B3GALT1: variants seen among roughly 807,000 people sequenced by gnomAD.
B3GALT1 encodes UDP-Gal:betaGlcNAc beta 1,3-galactosyltransferase, polypeptide 1.
In B3GALT1, 10 loss-of-function variants were observed where a neutral mutation model predicts 23.2. The ratio of observed to expected loss-of-function variants is 0.43; its 90% CI spans 0.27 to 0.73. B3GALT1 has a LOEUF of 0.73. Among genes scored for constraint, B3GALT1 ranks in the 30% least tolerant of loss-of-function variants. The pLI is 0.21. For synonymous variants in B3GALT1, 156 were observed against 141.5 expected, an observed-to-expected ratio of 1.10 and a Z score of -0.73; for missense variants, 299 against 405.4, an observed-to-expected ratio of 0.74 and a Z score of 2.25.
intron 3 of B3GALT1, among the ~76,000 whole-genome samples, chr2:167,700,382 A>G (rs1257380327): frequency 1.3e-5 from 2 of 152,184 alleles, no homozygotes; most frequent in Admixed American, 1.3e-4. Flanking sequence ...TTTTATTACC[A>G]CTATAGAAAT....
At chr2:167,555,746 G>C (rs1223555035) in intron 2 of B3GALT1, among the ~76,000 whole-genome samples, 1 of 152,156 alleles carries the variant, frequency 6.6e-6, no homozygotes. Context: ...AGAAAATACA[G>C]TGTGGTACCA....
chr2:167,311,474 CTT>C (rs1409658823), intron 1 of B3GALT1, among the ~76,000 whole-genome samples: 2 of 151,770 alleles, frequency 1.3e-5, no homozygotes, highest in African/African-American at 4.8e-5. Flanking sequence ...TCTTGCATCT[CTT>C]TTGTAATTTT....
Position 167,708,389 on chromosome 2 carries a change from G to A in B3GALT1, c.-352+61423G>A, listed in dbSNP as rs201038208. ...AAGAAAATGGAGTCAGGCCAGGTGC[G>A]GTAGCTCACGCCTGTAATCCCAGCA... On this transcript the variant is annotated intron_variant, in intron 3 of 4. Coordinates refer to ENST00000392690, the MANE Select transcript of B3GALT1 (RefSeq NM_020981.4). Among the ~76,000 whole-genome samples, 10 of 152,290 alleles carry A rather than the reference G, an allele frequency of 6.6e-5. No homozygotes were observed. The East Asian group carries it at 1.7e-3, about 26-fold the overall frequency.
intron 1 of B3GALT1, among the ~76,000 whole-genome samples, chr2:167,350,967 G>A (rs1470016664): frequency 1.3e-5 from 2 of 152,070 alleles, no homozygotes; most frequent in African/African-American, 4.8e-5. Flanking sequence ...CTGACCACCT[G>A]GTGAAACAAT....
At chr2:167,443,580 C>T (rs1301988808) in intron 1 of B3GALT1, among the ~76,000 whole-genome samples, 1 of 152,138 alleles carries the variant, frequency 6.6e-6, no homozygotes, top group Non-Finnish European at 1.5e-5. Context: ...TTGAAGAGAT[C>T]CTTCACATCC....
At chr2:167,603,147 G>A (rs910828696) in intron 2 of B3GALT1, among the ~76,000 whole-genome samples, 7 of 152,142 alleles carry the variant, frequency 4.6e-5, no homozygotes, top group Non-Finnish European at 1.0e-4. Flanking sequence ...TTACAAACAT[G>A]TTTCCTATTA....
intron 3 of B3GALT1, among the ~76,000 whole-genome samples, chr2:167,808,076 T>C (rs1210736704): frequency 6.6e-6 from 1 of 152,046 alleles, no homozygotes; most frequent in East Asian, 1.9e-4. Flanking sequence ...TTGTCTCTTT[T>C]GATCTTTGTT....
intron 3 of B3GALT1, among the ~76,000 whole-genome samples, chr2:167,745,526 C>G (rs1242378835): frequency 6.6e-6 from 1 of 152,020 alleles, no homozygotes; most frequent in African/African-American, 2.4e-5. Flanking sequence ...AATGTAAATG[C>G]CTCTATTTTA....
intron 2 of B3GALT1, among the ~76,000 whole-genome samples, chr2:167,501,186 A>G (rs1175849380): frequency 6.6e-6 from 1 of 152,154 alleles, no homozygotes; most frequent in Non-Finnish European, 1.5e-5. Context: ...TTGAATTCAC[A>G]AATCCAGAAA....
At chr2:167,681,258 A>ATT (rs943054827) in intron 3 of B3GALT1, among the ~76,000 whole-genome samples, 4 of 152,040 alleles carry the variant, frequency 2.6e-5, no homozygotes, top group African/African-American at 9.7e-5. Flanking sequence ...ATATATATAT[A>ATT]TTTTTTTAAT....
chr2:167,442,117 A>G (rs1161894001), intron 1 of B3GALT1, among the ~76,000 whole-genome samples: 3 of 149,390 alleles, frequency 2.0e-5, no homozygotes, highest in Non-Finnish European at 4.4e-5. Flanking sequence ...CCTATGAGTG[A>G]GAATATGCAC....
intron 2 of B3GALT1, among the ~76,000 whole-genome samples, chr2:167,507,814 A>T (rs1448778317): frequency 6.6e-6 from 1 of 152,222 alleles, no homozygotes; most frequent in East Asian, 1.9e-4. Context: ...AAGACAAATC[A>T]TAATTGTCTT....
At chr2:167,497,639 G>A (rs1306186859) in intron 2 of B3GALT1, among the ~76,000 whole-genome samples, 1 of 152,036 alleles carries the variant, frequency 6.6e-6, no homozygotes, top group Non-Finnish European at 1.5e-5. Flanking sequence ...AGGGAGATTG[G>A]AGAAGTCAGC....
At chr2:167,506,636 AAGACTT>A in intron 2 of B3GALT1, among the ~76,000 whole-genome samples, 1 of 152,362 alleles carries the variant, frequency 6.6e-6, no homozygotes, top group African/African-American at 2.4e-5. Flanking sequence ...GGAGGTGAAT[AAGACTT>A]AGAATTTACA....
intron 2 of B3GALT1, among the ~76,000 whole-genome samples, chr2:167,512,594 G>GTA (rs60242658): frequency 2.3e-4 from 13 of 57,322 alleles, no homozygotes; most frequent in Non-Finnish European, 3.6e-4. Context: ...ATATATATGT[G>GTA]TATATATATA....
intron 1 of B3GALT1, among the ~76,000 whole-genome samples, chr2:167,456,596 T>C (rs1050897866): frequency 6.6e-6 from 1 of 152,234 alleles, no homozygotes; most frequent in African/African-American, 2.4e-5. Flanking sequence ...CATACTTCTG[T>C]CAGTCCTGGC....
chr2:167,512,578 A>ATATATATG (rs1553463246), intron 2 of B3GALT1, among the ~76,000 whole-genome samples: 10 of 92,346 alleles, frequency 1.1e-4, no homozygotes, highest in African/African-American at 4.7e-4. Flanking sequence ...GTATATATAT[A>ATATATATG]TGTATATATA....
At chr2:167,863,339 A>G (rs1344213906) in intron 4 of B3GALT1, among the ~76,000 whole-genome samples, 2 of 152,218 alleles carry the variant, frequency 1.3e-5, no homozygotes, top group Non-Finnish European at 1.5e-5. Context: ...ATCTAAAACC[A>G]TAAACTGATG....
intron 2 of B3GALT1, among the ~76,000 whole-genome samples, chr2:167,546,625 G>A (rs1200324403): frequency 6.6e-6 from 1 of 152,020 alleles, no homozygotes; most frequent in Admixed American, 6.6e-5. Flanking sequence ...TACACAAAGG[G>A]AATTGAACAG....
Sources: allele counts gnomAD v4.1 joint callset (sites outside exome capture counted in the v4.1 genomes callset), GRCh38; gene constraint gnomAD v4.1.1; transcripts MANE v1.5; gene names NCBI Gene and HGNC (gene_info 2026-07-23, HGNC 2026-07-21).